The following SKAP2 variants were observed in gnomAD, a reference collection of about 807,000 sequenced individuals.
The protein encoded by SKAP2 is src kinase associated phosphoprotein 2.
A neutral mutation model predicts 54.9 loss-of-function variants in SKAP2; 28 were observed. The ratio of observed to expected loss-of-function variants is 0.51; its 90% confidence interval spans 0.38 to 0.70. The LOEUF (loss-of-function observed/expected upper bound fraction) is 0.70. Among genes scored for constraint, SKAP2 ranks in the 30% least tolerant of loss-of-function variants. The pLI is 0.00. For missense variants in SKAP2, 356 were observed against 424.1 expected (o/e 0.84, Z 1.41); for synonymous variants, 137 against 134.3 (o/e 1.02, Z -0.14).
chr7:26,766,381 T>C (rs180886105), intron 4 of SKAP2, among the ~76,000 whole-genome samples: 4 of 152,328 alleles, frequency 2.6e-5, no homozygotes, highest in African/African-American at 9.6e-5. Flanking sequence ...GCTCAGACGA[T>C]GGGGTTTTCT....
chr7:26,727,975 G>C (rs1787743052), intron 6 of SKAP2, among the ~76,000 whole-genome samples: 1 of 152,074 alleles, frequency 6.6e-6, no homozygotes, highest in Non-Finnish European at 1.5e-5. Context: ...TCAGTTCAGT[G>C]TACCAATAAA....
chr7:26,813,849 T>C (rs1438582582), intron 4 of SKAP2, among the ~76,000 whole-genome samples: 1 of 152,236 alleles, frequency 6.6e-6, no homozygotes, highest in Non-Finnish European at 1.5e-5. Context: ...ATTTTCTTTC[T>C]ATGTAATTTG....
At chr7:26,732,928 C>T (rs1314960331) in intron 6 of SKAP2, among the ~76,000 whole-genome samples, 2 of 152,120 alleles carry the variant, frequency 1.3e-5, no homozygotes, top group Non-Finnish European at 2.9e-5. Flanking sequence ...ATCAGATGTA[C>T]ATTTTAACTT....
At chr7:26,697,285 AC>A (rs1422505369) in intron 9 of SKAP2, among the ~76,000 whole-genome samples, 2 of 152,118 alleles carry the variant, frequency 1.3e-5, no homozygotes, top group Non-Finnish European at 2.9e-5. Flanking sequence ...TCTTGTATAC[AC>A]TCGATCACCT....
At chr7:26,671,621 C>T (rs1786241629) in intron 11 of SKAP2, among the ~76,000 whole-genome samples, 1 of 151,794 alleles carries the variant, frequency 6.6e-6, no homozygotes, top group Non-Finnish European at 1.5e-5. Flanking sequence ...GAGAAAAGAC[C>T]ACTCCTGCTA....
At chr7:26,813,577 C>G (rs1784201848) in intron 4 of SKAP2, among the ~76,000 whole-genome samples, 1 of 152,214 alleles carries the variant, frequency 6.6e-6, no homozygotes, top group African/African-American at 2.4e-5. Context: ...CTCTTCTAAT[C>G]AAATAGCCCA....
intron 11 of SKAP2, among the ~76,000 whole-genome samples, chr7:26,678,179 A>C (rs1302636966): frequency 6.6e-6 from 1 of 152,190 alleles, no homozygotes; most frequent in Non-Finnish European, 1.5e-5. Flanking sequence ...TATGTGTGAA[A>C]GCATATTAAG....
At chr7:26,728,537 A>G (rs1787756956) in intron 6 of SKAP2, among the ~76,000 whole-genome samples, 3 of 152,170 alleles carry the variant, frequency 2.0e-5, no homozygotes, top group South Asian at 4.1e-4. Flanking sequence ...TAAATGGTTA[A>G]GCATGGTTGG....
At chr7:26,819,585 A>G (rs1451042676) in intron 4 of SKAP2, among the ~76,000 whole-genome samples, 1 of 151,850 alleles carries the variant, frequency 6.6e-6, no homozygotes, top group Non-Finnish European at 1.5e-5. Flanking sequence ...AAAAAAAAGA[A>G]CTTTCCCATG....
At chr7:26,660,029 T>C in the SKAP2 span, among the ~76,000 whole-genome samples, 1 of 152,132 alleles carries the variant, frequency 6.6e-6, no homozygotes, top group South Asian at 2.1e-4. Context: ...GAGATGCTTC[T>C]CTTCTCAACA....
intron 3 of SKAP2, among the ~76,000 whole-genome samples, chr7:26,851,521 A>G (rs1331221354): frequency 1.3e-5 from 2 of 151,912 alleles, no homozygotes; most frequent in South Asian, 2.1e-4. Flanking sequence ...AACAATGAGA[A>G]CACTTGGATA....
intron 9 of SKAP2, among the ~76,000 whole-genome samples, chr7:26,692,631 T>C (rs886082434): frequency 6.6e-6 from 1 of 152,220 alleles, no homozygotes; most frequent in Non-Finnish European, 1.5e-5. Flanking sequence ...GACAATTTAA[T>C]ATGGTTCAGT....
intron 4 of SKAP2, among the ~76,000 whole-genome samples, chr7:26,835,639 T>C (rs1207808833): frequency 6.6e-6 from 1 of 152,072 alleles, no homozygotes; most frequent in Non-Finnish European, 1.5e-5. Context: ...ACAGAAGATG[T>C]GAAGGACCTC....
chr7:26,795,172 A>T (rs1783748922), intron 4 of SKAP2, among the ~76,000 whole-genome samples: 1 of 152,264 alleles, frequency 6.6e-6, no homozygotes, highest in Non-Finnish European at 1.5e-5. Context: ...GCTTCAGTTT[A>T]TGCCATCAAA....
intron 4 of SKAP2, among the ~76,000 whole-genome samples, chr7:26,805,184 G>A (rs1401509705): frequency 6.6e-6 from 1 of 152,074 alleles, no homozygotes; most frequent in Non-Finnish European, 1.5e-5. Context: ...GTGACACCCT[G>A]TCTCTTTAAA....
At chr7:26,759,141 G>T (rs1247896767) in intron 4 of SKAP2, among the ~76,000 whole-genome samples, 2 of 152,154 alleles carry the variant, frequency 1.3e-5, no homozygotes, top group Non-Finnish European at 1.5e-5. Context: ...CTGGGGAAAT[G>T]AATTTTATGG....
At chr7:26,712,494 A>C (rs986607486) in intron 9 of SKAP2, among the ~76,000 whole-genome samples, 6 of 152,184 alleles carry the variant, frequency 3.9e-5, no homozygotes, top group African/African-American at 1.4e-4. Flanking sequence ...TTCTTAACAT[A>C]TTTTTGTTGA....
At chr7:26,711,055 G>A (rs2127949994) in intron 9 of SKAP2, among the ~76,000 whole-genome samples, 1 of 152,222 alleles carries the variant, frequency 6.6e-6, no homozygotes, top group African/African-American at 2.4e-5. Flanking sequence ...GTTTCTAGTG[G>A]AATGACCACG....
At chr7:26,719,326 C>A (rs1222770347) in intron 9 of SKAP2, among the ~76,000 whole-genome samples, 1 of 152,168 alleles carries the variant, frequency 6.6e-6, no homozygotes, top group African/African-American at 2.4e-5. Flanking sequence ...CCAAGACTTC[C>A]CGTCTAACTC....
Sources: gnomAD v4.1 joint callset for allele counts (sites outside exome capture counted in the v4.1 genomes callset) on GRCh38, gnomAD v4.1.1 for gene constraint, MANE v1.5 for transcripts, NCBI Gene and HGNC (gene_info 2026-07-23, HGNC 2026-07-21) for gene names.